The following PAK1 variants were observed in gnomAD, a reference collection of about 807,000 sequenced individuals.
PAK1 encodes p21 (RAC1) activated kinase 1.
PAK1 carries 29 observed loss-of-function variants against 67.4 expected under a neutral mutation model. The observed-to-expected ratio is 0.43, with a 90% confidence interval of 0.32 to 0.59. The LOEUF is 0.59. Ranked by LOEUF, PAK1 falls within the 20% of genes least tolerant of loss-of-function variation. The pLI is 0.07. For missense variants in PAK1, 337 were observed against 670.7 expected, an observed-to-expected ratio of 0.50 and a Z score of 5.50; for synonymous variants, 223 against 237.4, an observed-to-expected ratio of 0.94 and a Z score of 0.56.
intron 2 of PAK1, among the ~76,000 whole-genome samples, chr11:77,382,382 T>A (rs1949950479): frequency 6.6e-6 from 1 of 152,106 alleles, no homozygotes; most frequent in African/African-American, 2.4e-5. Flanking sequence ...ACCTCCAACT[T>A]TTTGCTTGCT....
At chr11:77,424,670 A>T (rs557967499) in intron 1 of PAK1, among the ~76,000 whole-genome samples, 1 of 152,246 alleles carries the variant, frequency 6.6e-6, no homozygotes, top group Non-Finnish European at 1.5e-5. Context: ...ACCATTGCAT[A>T]GAACACACTT....
rs1259693469 is a variant in PAK1, at chr11:77,355,188, G to C, written c.772+480C>G. On this transcript the variant is annotated intron_variant, in intron 7 of 14. Coordinates refer to ENST00000356341, the MANE Select transcript of PAK1 (RefSeq NM_002576.5). ...GAGAATTAAATTTAAAAAAAATCAA[G>C]AAAATATTTTGCTTGTCATTTGATA... is the stretch of plus-strand genomic sequence containing the variant. Among the ~76,000 whole-genome samples the C allele has an allele frequency of 3.3e-5, 5 of 152,076 alleles. 1 individual carries two copies. Among genetic ancestry groups the C allele is most frequent in the Non-Finnish European group, 7.4e-5 (5 of 67,962 alleles).
chr11:77,335,165 C>A (rs1942460067), intron 13 of PAK1, among the ~76,000 whole-genome samples: 1 of 152,200 alleles, frequency 6.6e-6, no homozygotes, highest in African/African-American at 2.4e-5. Flanking sequence ...GTGGAATAAC[C>A]TAGAGCTCAG....
At chr11:77,499,311 G>A in the PAK1 span, among the ~76,000 whole-genome samples, 2 of 152,114 alleles carry the variant, frequency 1.3e-5, no homozygotes, top group Non-Finnish European at 2.9e-5. Flanking sequence ...AATCCTCGCA[G>A]TTTGGCCTCC....
intron 1 of PAK1, among the ~76,000 whole-genome samples, chr11:77,471,048 G>A (rs910469083): frequency 6.6e-6 from 1 of 152,200 alleles, no homozygotes; most frequent in African/African-American, 2.4e-5. Context: ...GCAATACATA[G>A]AATTAAATCA....
chr11:77,525,525 G>C, the PAK1 span, among the ~76,000 whole-genome samples: 1 of 152,258 alleles, frequency 6.6e-6, no homozygotes, highest in South Asian at 2.1e-4. Flanking sequence ...ACATCAGGAA[G>C]AGCCAGGATG....
Position 77,468,513 on chromosome 11 carries a change from G to A in PAK1, c.-22+5039C>T, listed in dbSNP as rs181333902. On this transcript the variant is annotated intron_variant, in intron 1 of 14. Transcript: ENST00000356341. ...TAGCACATTAAGTTAATAAATTTAC[G>A]ATGGCACAGGGAAATATTCAGGCAC... is the stretch of plus-strand genomic sequence containing the variant. Among the ~76,000 whole-genome samples, 9 of 152,248 alleles carry A rather than the reference G, an allele frequency of 5.9e-5. No homozygotes were observed. The East Asian group carries it at 1.3e-3, about 23-fold the overall frequency.
intron 1 of PAK1, among the ~76,000 whole-genome samples, chr11:77,467,753 T>C (rs1436736661): frequency 1.3e-5 from 2 of 152,248 alleles, no homozygotes; most frequent in African/African-American, 4.8e-5. Flanking sequence ...CTTTTACATA[T>C]ATTATTAATC....
chr11:77,352,638 T>C (rs986158216), intron 8 of PAK1, among the ~76,000 whole-genome samples: 1 of 152,190 alleles, frequency 6.6e-6, no homozygotes, highest in African/African-American at 2.4e-5. Flanking sequence ...CAACTTCCAG[T>C]CCTACAAGCT....
chr11:77,503,454 T>C, the PAK1 span, among the ~76,000 whole-genome samples: 1 of 152,244 alleles, frequency 6.6e-6, no homozygotes, highest in African/African-American at 2.4e-5. Context: ...GTTCTCAAAC[T>C]GTTTGGTCTC....
At chr11:77,488,451 G>T in the PAK1 span, among the ~76,000 whole-genome samples, 1 of 152,048 alleles carries the variant, frequency 6.6e-6, no homozygotes, top group African/African-American at 2.4e-5. Context: ...ACTAAATCAG[G>T]CACCAGTGAC....
intron 2 of PAK1, among the ~76,000 whole-genome samples, chr11:77,390,743 C>A (rs1289221208): frequency 6.6e-6 from 1 of 150,594 alleles, no homozygotes; most frequent in Non-Finnish European, 1.5e-5. Context: ...CTCAAGCAAT[C>A]CTCCCACCTC....
At chr11:77,439,753 T>C (rs1410034380) in intron 1 of PAK1, among the ~76,000 whole-genome samples, 1 of 152,120 alleles carries the variant, frequency 6.6e-6, no homozygotes, top group Admixed American at 6.5e-5. Context: ...GTTTAACATA[T>C]GGAGAGGGAA....
chr11:77,352,250 T>C (rs2136435569), intron 8 of PAK1, among the ~76,000 whole-genome samples: 1 of 152,292 alleles, frequency 6.6e-6, no homozygotes, highest in African/African-American at 2.4e-5. Context: ...CTATTCTGAC[T>C]TCTATTATCA....
intron 10 of PAK1, among the ~76,000 whole-genome samples, chr11:77,343,012 G>A (rs1169474927): frequency 6.6e-6 from 1 of 151,824 alleles, no homozygotes; most frequent in African/African-American, 2.4e-5. Context: ...TCTTGGACAA[G>A]TTATTAACGT....
chr11:77,408,967 C>T (rs542936591), intron 1 of PAK1, among the ~76,000 whole-genome samples: 1 of 152,018 alleles, frequency 6.6e-6, no homozygotes. Context: ...TGGCTTGTAT[C>T]AAAAAGACAG....
Position 77,322,173 on chromosome 11 carries a change from T to C in PAK1, c.*1101A>G, listed in dbSNP as rs1290275142. On this transcript the variant is annotated 3_prime_UTR_variant, in exon 15 of 15. Transcript: ENST00000356341. ...AGTGGGAGAACCAAAACCACAAAAA[T>C]AGCAGGAGGTAGCAAACATCCCCAA... is the stretch of plus-strand genomic sequence containing the variant. The C allele has an allele frequency of 9.7e-6, 2 of 207,048 alleles. No individual in the cohort carries two copies. Among genetic ancestry groups the C allele is most frequent in the African/African-American group, 2.3e-5 (1 of 43,800 alleles). The allele number at this position is 207,048 out of a possible 1,614,324, so 12.8% of individuals were successfully genotyped here. A position where few individuals can be genotyped will look rare whatever the true frequency, so the allele number is the denominator to read the frequency against.
At chr11:77,374,743 G>T (rs1487204465) in intron 4 of PAK1, among the ~76,000 whole-genome samples, 2 of 152,146 alleles carry the variant, frequency 1.3e-5, no homozygotes, top group Non-Finnish European at 2.9e-5. Flanking sequence ...ACATACCTGG[G>T]CTATATTGTA....
At chr11:77,467,820 T>C (rs900157161) in intron 1 of PAK1, among the ~76,000 whole-genome samples, 2 of 152,230 alleles carry the variant, frequency 1.3e-5, no homozygotes, top group African/African-American at 4.8e-5. Context: ...AATAGAGATT[T>C]AAATAAGTGT....
Sources: allele counts gnomAD v4.1 joint callset (sites outside exome capture counted in the v4.1 genomes callset), GRCh38; gene constraint gnomAD v4.1.1; transcripts MANE v1.5; gene names NCBI Gene and HGNC (gene_info 2026-07-23, HGNC 2026-07-21).